LHX8: variants seen among roughly 807,000 people sequenced by gnomAD.
LHX8 encodes LIM/homeobox protein Lhx8.
In LHX8, 12 loss-of-function variants were observed where a neutral mutation model predicts 40.3. The ratio of observed to expected loss-of-function variants is 0.30; its 90% confidence interval spans 0.19 to 0.48. The LOEUF is 0.48. Among genes scored for constraint, LHX8 ranks in the 20% least tolerant of loss-of-function variants. The pLI is 0.99. For synonymous variants in LHX8, 179 were observed against 162.0 expected (o/e 1.10, Z -0.80); for missense variants, 344 against 433.7 (o/e 0.79, Z 1.84).
At chr1:75,196,841 G>A in the LHX8 span, among the ~76,000 whole-genome samples, 1 of 152,084 alleles carries the variant, frequency 6.6e-6, no homozygotes, top group African/African-American at 2.4e-5. Flanking sequence ...CACATGTACA[G>A]GCACACGCTG....
chr1:75,162,525 T>C (rs1207425302), downstream of LHX8, among the ~76,000 whole-genome samples: 10 of 152,186 alleles, frequency 6.6e-5, no homozygotes, highest in Non-Finnish European at 1.2e-4. Context: ...TATTCATTTT[T>C]ATTTGCTGTC....
chr1:75,179,794 T>C, the LHX8 span, among the ~76,000 whole-genome samples: 1 of 152,186 alleles, frequency 6.6e-6, no homozygotes, highest in African/African-American at 2.4e-5. Context: ...GCGATGGTCT[T>C]TACAATTTGG....
At chr1:75,171,211 A>G in the LHX8 span, among the ~76,000 whole-genome samples, 1 of 152,084 alleles carries the variant, frequency 6.6e-6, no homozygotes, top group Non-Finnish European at 1.5e-5. Flanking sequence ...TTTTAATTCC[A>G]TGAAATCTTT....
At chr1:75,191,026 T>G in the LHX8 span, among the ~76,000 whole-genome samples, 1 of 152,116 alleles carries the variant, frequency 6.6e-6, no homozygotes, top group Non-Finnish European at 1.5e-5. Flanking sequence ...TATAAAATTT[T>G]CAAAAATTTA....
At chr1:75,156,267 A>T (rs1310865524) in intron 7 of LHX8, among the ~76,000 whole-genome samples, 1 of 151,678 alleles carries the variant, frequency 6.6e-6, no homozygotes, top group Non-Finnish European at 1.5e-5. Context: ...TTTGAGACAG[A>T]GTCTTGCTAT....
chr1:75,169,430 G>A, the LHX8 span, among the ~76,000 whole-genome samples: 6 of 152,150 alleles, frequency 3.9e-5, no homozygotes, highest in Non-Finnish European at 7.3e-5. Context: ...CACAGTATTT[G>A]GCATATTGTC....
At position 75,160,996 on chromosome 1, in the gene LHX8, C is replaced by T. The variant is rs1648904092; in HGVS notation, c.*101C>T. On this transcript the variant is annotated 3_prime_UTR_variant, in exon 9 of 9. Coordinates refer to ENST00000356261, the MANE Select transcript of LHX8 (RefSeq NM_001256114.2). ...ATTACTGTTAATTTTTTATTTAACA[C>T]CTAAAGCATTTCCAACATCACTTTG... is the stretch of plus-strand genomic sequence containing the variant. 1 of 896,182 alleles carries T rather than the reference C, an allele frequency of 1.1e-6. No homozygotes were observed. Among genetic ancestry groups the T allele is most frequent in the Non-Finnish European group, 1.8e-6 (1 of 546,938 alleles). The allele number at this position is 896,182 out of a possible 1,614,324, so 55.5% of individuals were successfully genotyped here.
rs984747215 is a variant in LHX8 at position 75,148,703 on chromosome 1, T to A, written c.780+21T>A. On this transcript the variant is annotated intron_variant, in intron 7 of 8. Transcript: ENST00000356261. ...TACAGGTGATTACTTTACTTTTTTT[T>A]TTTTTTAAGGTTTTTAAAAAATAGA... The A allele has an allele frequency of 1.6e-4, 254 of 1,578,166 alleles. 1 individual carries two copies. The highest frequency in any genetic ancestry group is 2.1e-4 in the Non-Finnish European group (247 of 1,150,200).
the LHX8 span, among the ~76,000 whole-genome samples, chr1:75,186,347 A>G: frequency 2.0e-5 from 3 of 152,194 alleles, no homozygotes; most frequent in Non-Finnish European, 4.4e-5. Context: ...CAACAGACAC[A>G]TAGACCAATG....
At chr1:75,197,041 T>C in the LHX8 span, among the ~76,000 whole-genome samples, 15 of 152,180 alleles carry the variant, frequency 9.9e-5, no homozygotes, top group African/African-American at 3.4e-4. Context: ...AAAAATTGTG[T>C]GAGCAGCAAA....
chr1:75,130,384 G>A, upstream of LHX8: 2 of 469,726 alleles, frequency 4.3e-6, no homozygotes, highest in East Asian at 3.7e-5. Flanking sequence ...GAAACAACTG[G>A]CCCCAGCTGG....
At chr1:75,187,867 C>A in the LHX8 span, among the ~76,000 whole-genome samples, 1 of 152,094 alleles carries the variant, frequency 6.6e-6, no homozygotes, top group Non-Finnish European at 1.5e-5. Flanking sequence ...GACTAGACTG[C>A]ATTCACCCAG....
the LHX8 span, among the ~76,000 whole-genome samples, chr1:75,168,305 CT>C: frequency 6.6e-6 from 1 of 151,992 alleles, no homozygotes; most frequent in African/African-American, 2.4e-5. Flanking sequence ...TCACTGCAAC[CT>C]CTGCCTCCTG....
chr1:75,140,681 C>T (rs1421475238), intron 3 of LHX8, among the ~76,000 whole-genome samples: 1 of 151,980 alleles, frequency 6.6e-6, no homozygotes, highest in African/African-American at 2.4e-5. Context: ...TCCCTGTGTT[C>T]ATAAAGATTC....
At chr1:75,154,440 A>G (rs1003073424) in intron 7 of LHX8, among the ~76,000 whole-genome samples, 4 of 151,270 alleles carry the variant, frequency 2.6e-5, no homozygotes, top group Non-Finnish European at 5.9e-5. Flanking sequence ...TTACAACTGC[A>G]TAGGTTCCAT....
At chr1:75,163,803 G>A (rs933087022), downstream of LHX8, among the ~76,000 whole-genome samples, 2 of 152,162 alleles carry the variant, frequency 1.3e-5, no homozygotes, top group African/African-American at 2.4e-5. Context: ...GTGGTATTAA[G>A]AGGTAGGGCT....
At chr1:75,165,743 G>GT (rs570544849), downstream of LHX8, among the ~76,000 whole-genome samples, 48 of 152,262 alleles carry the variant, frequency 3.2e-4, no homozygotes, top group African/African-American at 1.1e-3. Flanking sequence ...AAGACTCTAT[G>GT]TTTGAGCGTC....
intron 3 of LHX8, among the ~76,000 whole-genome samples, chr1:75,138,159 C>T (rs1648206435): frequency 6.6e-6 from 1 of 152,166 alleles, no homozygotes; most frequent in South Asian, 2.1e-4. Context: ...TCCCATGTGT[C>T]TTAATCAGAA....
chr1:75,177,295 C>A, the LHX8 span, among the ~76,000 whole-genome samples: 1 of 152,130 alleles, frequency 6.6e-6, no homozygotes, highest in Non-Finnish European at 1.5e-5. Flanking sequence ...ATTGATTCTT[C>A]CTATCCATGA....
Sources: allele counts gnomAD v4.1 joint callset (sites outside exome capture counted in the v4.1 genomes callset), GRCh38; gene constraint gnomAD v4.1.1; transcripts MANE v1.5; gene names NCBI Gene and HGNC (gene_info 2026-07-23, HGNC 2026-07-21).